TAOK3: variants seen among roughly 807,000 people sequenced by gnomAD.
TAOK3 encodes TAO kinase 3, also known as serine/threonine-protein kinase TAO3.
TAOK3 carries 40 observed loss-of-function variants against 120.4 expected under a neutral mutation model. The ratio of observed to expected loss-of-function variants is 0.33; its 90% CI spans 0.26 to 0.43. The LOEUF is 0.43. TAOK3 is among the 20% of genes least tolerant of loss of function. The pLI is 1.00. For missense variants in TAOK3, 821 were observed against 1,112.1 expected (o/e 0.74, Z 3.72); for synonymous variants, 355 against 387.5 (o/e 0.92, Z 0.99).
chr12:118,370,536 C>T (rs2045866269), intron 1 of TAOK3, among the ~76,000 whole-genome samples: 1 of 152,042 alleles, frequency 6.6e-6, no homozygotes, highest in Non-Finnish European at 1.5e-5. Flanking sequence ...TTCCTAAAAC[C>T]ATCATTTTCG....
intron 19 of TAOK3, among the ~76,000 whole-genome samples, chr12:118,154,773 T>G (rs966062889): frequency 6.6e-6 from 1 of 152,060 alleles, no homozygotes; most frequent in Middle Eastern, 3.4e-3. Flanking sequence ...TATAGGTAAA[T>G]ATGTCTGATC....
rs148843880 is a variant in TAOK3, at chr12:118,318,219, G to A, written c.-193-51460C>T. On this transcript the variant is annotated intron_variant, in intron 1 of 20. Coordinates refer to ENST00000392533, the MANE Select transcript of TAOK3 (RefSeq NM_016281.4). ...TGTCACCAGGCTGGAGCGCAATGAC[G>A]CGATCTTGGCTCACTGCAACCTCCG... Among the ~76,000 whole-genome samples, 935 of 148,340 alleles carry A rather than the reference G, an allele frequency of 6.3e-3. 10 individuals carry two copies. The highest frequency in any genetic ancestry group is 0.023 in the African/African-American group (901 of 39,864).
At chr12:118,337,334 C>T (rs2044407514) in intron 1 of TAOK3, among the ~76,000 whole-genome samples, 1 of 152,294 alleles carries the variant, frequency 6.6e-6, no homozygotes, top group African/African-American at 2.4e-5. Context: ...ATGGTACAGC[C>T]ACTCTGGAAA....
At chr12:118,307,745 T>C (rs1331576507) in intron 1 of TAOK3, among the ~76,000 whole-genome samples, 1 of 152,146 alleles carries the variant, frequency 6.6e-6, no homozygotes, top group East Asian at 1.9e-4. Context: ...GTTCTTTCCT[T>C]AAAAAACAAA....
intron 14 of TAOK3, among the ~76,000 whole-genome samples, chr12:118,187,046 ATT>A (rs1298838326): frequency 6.6e-6 from 1 of 152,224 alleles, no homozygotes; most frequent in Non-Finnish European, 1.5e-5. Flanking sequence ...TCATAAACAA[ATT>A]TTAGGAAGAC....
rs996108019 is a variant in TAOK3 at position 118,371,120 on chromosome 12, T to C, written c.-194+1528A>G. 1.3e-5 allele frequency among the ~76,000 whole-genome samples: 2 copies of C among 152,152 alleles called. No individual in the cohort carries two copies. Among genetic ancestry groups the C allele is most frequent in the African/African-American group, 2.4e-5 (1 of 41,442 alleles). On this transcript the variant is annotated intron_variant, in intron 1 of 20. Transcript: ENST00000392533. The surrounding 1 kb of genome is among the most constrained non-coding windows in gnomAD (Gnocchi z 5.5). ...ATTGATACTGATATGCTGCCAAATC[T>C]AAAAAAGTTTCTTAGCTCCTTGAGC...
chr12:118,201,168 C>A, intron 12 of TAOK3, 128 bp downstream of exon 12: 1 of 876,760 alleles, frequency 1.1e-6, no homozygotes. Context: ...TTGTACAACC[C>A]TTCATGTTTC....
intron 1 of TAOK3, among the ~76,000 whole-genome samples, chr12:118,356,265 A>G (rs1054585311): frequency 4.8e-5 from 7 of 144,728 alleles, no homozygotes; most frequent in African/African-American, 1.8e-4. Context: ...TATTGACAGG[A>G]TCTCAATATC....
At chr12:118,365,384 A>AAC (rs1157491327) in intron 1 of TAOK3, among the ~76,000 whole-genome samples, 5 of 150,438 alleles carry the variant, frequency 3.3e-5, no homozygotes, top group African/African-American at 1.2e-4. Flanking sequence ...AGGCGTGCAA[A>AAC]CACACGCCCA....
intron 11 of TAOK3, among the ~76,000 whole-genome samples, chr12:118,209,770 A>G (rs1419352184): frequency 2.7e-5 from 4 of 150,082 alleles, no homozygotes; most frequent in African/African-American, 9.8e-5. Context: ...CTGAAGTGCA[A>G]TGGCAGGATC....
intron 1 of TAOK3, among the ~76,000 whole-genome samples, chr12:118,345,254 T>C (rs1488180333): frequency 6.6e-6 from 1 of 152,156 alleles, no homozygotes; most frequent in Non-Finnish European, 1.5e-5. Flanking sequence ...TAGATTAAAT[T>C]AAGGAGGCTG....
Position 118,245,576 on chromosome 12 carries a change from C to G in TAOK3, c.121-611G>C, listed in dbSNP as rs528877771. Among the ~76,000 whole-genome samples the G allele has an allele frequency of 9.9e-5, 15 of 152,252 alleles. No homozygotes were observed. The South Asian group carries it at 3.1e-3, about 32-fold the overall frequency. ...CACGTGATCTGCCCGCCTCAGCCTC[C>G]CAAAGTGCTGGGATTACAGACGTTA... is the stretch of plus-strand genomic sequence containing the variant. On this transcript the variant is annotated intron_variant, in intron 3 of 20. Transcript: ENST00000392533.
chr12:118,305,255 A>G (rs886708624), intron 1 of TAOK3, among the ~76,000 whole-genome samples: 13 of 152,006 alleles, frequency 8.6e-5, no homozygotes, highest in African/African-American at 3.1e-4. Flanking sequence ...CTGAGGCGGG[A>G]GGATTGTTTG....
chr12:118,281,955 T>C (rs1302883164), intron 1 of TAOK3, among the ~76,000 whole-genome samples: 3 of 152,200 alleles, frequency 2.0e-5, no homozygotes, highest in Non-Finnish European at 4.4e-5. Context: ...TTATTTTTAT[T>C]GTGAAAAAGT....
chr12:118,283,739 CAA>C, intron 1 of TAOK3: 1 of 206,250 alleles, frequency 4.8e-6, no homozygotes, highest in South Asian at 7.4e-5. Flanking sequence ...CAAAACAAAA[CAA>C]AACAACAACA....
chr12:118,258,150 A>G (rs1166613287), intron 2 of TAOK3, among the ~76,000 whole-genome samples: 1 of 152,184 alleles, frequency 6.6e-6, no homozygotes, highest in Non-Finnish European at 1.5e-5. Flanking sequence ...AGGAGAAAAC[A>G]TGAAGCTGGT....
At chr12:118,169,972 C>G (rs1032981179) in intron 17 of TAOK3, among the ~76,000 whole-genome samples, 2 of 151,418 alleles carry the variant, frequency 1.3e-5, no homozygotes, top group African/African-American at 4.9e-5. Flanking sequence ...CCGCCCGCCT[C>G]GGCTTCCCAA....
intron 1 of TAOK3, among the ~76,000 whole-genome samples, chr12:118,360,663 C>A (rs1008219338): frequency 2.0e-5 from 3 of 150,476 alleles, no homozygotes; most frequent in Non-Finnish European, 4.4e-5. Flanking sequence ...ACTAGGAATA[C>A]AATAATGAAC....
chr12:118,356,596 G>A (rs115778789), intron 1 of TAOK3, among the ~76,000 whole-genome samples: 40 of 151,614 alleles, frequency 2.6e-4, no homozygotes, highest in African/African-American at 9.4e-4. Context: ...AACAATGCCC[G>A]GCCTCAATTT....
Sources: allele counts gnomAD v4.1 joint callset (sites outside exome capture counted in the v4.1 genomes callset), GRCh38; gene constraint gnomAD v4.1.1; non-coding constraint Gnocchi (gnomAD v3.1); transcripts MANE v1.5; gene names NCBI Gene and HGNC (gene_info 2026-07-23, HGNC 2026-07-21).